Variants in ATP8A2 observed in about 807,000 individuals in gnomAD.
ATP8A2 encodes ATPase phospholipid transporting 8A2, also known as phospholipid-transporting ATPase IB.
In ATP8A2, 100 loss-of-function variants were observed where a neutral mutation model predicts 165.6. That is an observed-to-expected ratio of 0.60 (90% CI 0.51 to 0.71). ATP8A2 has a LOEUF of 0.71. ATP8A2 is among the 30% of genes least tolerant of loss of function. The probability of loss-of-function intolerance (pLI) is 0.00; values close to 1 mark genes in which losing one functional copy is unlikely to be tolerated. For synonymous variants in ATP8A2, 543 were observed against 548.8 expected (o/e 0.99, Z 0.15); for missense variants, 1,227 against 1,479.5 (o/e 0.83, Z 2.80).
intron 27 of ATP8A2, among the ~76,000 whole-genome samples, chr13:25,799,790 G>C (rs779216168): frequency 6.6e-6 from 1 of 152,208 alleles, no homozygotes; most frequent in East Asian, 1.9e-4. Context: ...TGAAGCTGCC[G>C]TAAAGCAGGG....
intron 1 of ATP8A2, among the ~76,000 whole-genome samples, chr13:25,467,166 G>C (rs2035690877): frequency 1.3e-5 from 2 of 152,170 alleles, no homozygotes; most frequent in Admixed American, 1.3e-4. Context: ...TGGAGGGAAG[G>C]AGATGAGGGA....
intron 1 of ATP8A2, among the ~76,000 whole-genome samples, chr13:25,374,764 A>G (rs1249640442): frequency 6.6e-6 from 1 of 152,152 alleles, no homozygotes; most frequent in Non-Finnish European, 1.5e-5. Flanking sequence ...GAGGATCTGC[A>G]TAGTGTGGGC....
intron 25 of ATP8A2, among the ~76,000 whole-genome samples, chr13:25,722,754 A>G (rs1230612268): frequency 6.6e-6 from 1 of 152,200 alleles, no homozygotes; most frequent in East Asian, 1.9e-4. Flanking sequence ...TTCCCTGGCT[A>G]AGACACTCAG....
chr13:25,518,896 G>A (rs2037567344), intron 2 of ATP8A2, among the ~76,000 whole-genome samples: 1 of 152,182 alleles, frequency 6.6e-6, no homozygotes, highest in Non-Finnish European at 1.5e-5. Context: ...TCAGAGGAGG[G>A]TTTGCAGATA....
At chr13:25,609,873 A>C (rs935269056) in intron 24 of ATP8A2, among the ~76,000 whole-genome samples, 2 of 150,738 alleles carry the variant, frequency 1.3e-5, no homozygotes, top group Non-Finnish European at 3.0e-5. Flanking sequence ...ATCATTAGTG[A>C]TGTTGAGCAT....
chr13:25,540,244 T>C (rs2038427984), intron 7 of ATP8A2, 75 bp from the exon 8 acceptor site: 1 of 1,095,488 alleles, frequency 9.1e-7, no homozygotes. Context: ...ACAGATTCCA[T>C]AATAGAGATT....
At chr13:25,787,789 T>TGGGAACCA (rs1181832493) in intron 27 of ATP8A2, among the ~76,000 whole-genome samples, 1 of 152,216 alleles carries the variant, frequency 6.6e-6, no homozygotes, top group Non-Finnish European at 1.5e-5. Context: ...CTTTGGGGTC[T>TGGGAACCA]GGGAACCAGG....
intron 33 of ATP8A2, among the ~76,000 whole-genome samples, chr13:25,907,192 C>G (rs1953965675): frequency 6.6e-6 from 1 of 151,992 alleles, no homozygotes; most frequent in Admixed American, 6.6e-5. Context: ...ACTGTGCTAC[C>G]CGTGTGGAGA....
intron 10 of ATP8A2, among the ~76,000 whole-genome samples, chr13:25,550,995 T>G (rs1454676204): frequency 6.6e-6 from 1 of 152,236 alleles, no homozygotes; most frequent in Non-Finnish European, 1.5e-5. Flanking sequence ...GAATTACCAG[T>G]GTTCTGATTT....
chr13:25,556,960 C>T (rs575604031), intron 13 of ATP8A2, among the ~76,000 whole-genome samples: 28 of 152,140 alleles, frequency 1.8e-4, no homozygotes, highest in Non-Finnish European at 4.1e-4. Flanking sequence ...TAGAAAAACT[C>T]CCTTATGGAG....
chr13:25,533,458 T>TG (rs1555291920), intron 6 of ATP8A2, 145 bp downstream of exon 6: 1 of 506,700 alleles, frequency 2.0e-6, no homozygotes. Context: ...TGTTTACTCC[T>TG]TCCCTTGCAC....
chr13:25,528,860 G>A (rs1033460007), intron 2 of ATP8A2, among the ~76,000 whole-genome samples: 5 of 144,338 alleles, frequency 3.5e-5, no homozygotes, highest in Admixed American at 2.1e-4. Context: ...TATGCAACAT[G>A]TGTATGCATA....
At chr13:26,007,155 T>C (rs1336704335) in intron 35 of ATP8A2, among the ~76,000 whole-genome samples, 3 of 152,154 alleles carry the variant, frequency 2.0e-5, no homozygotes, top group Non-Finnish European at 4.4e-5. Flanking sequence ...AAACCATATA[T>C]AGATGATATA....
At chr13:25,575,584 C>T (rs896302425) in intron 19 of ATP8A2, among the ~76,000 whole-genome samples, 1 of 152,086 alleles carries the variant, frequency 6.6e-6, no homozygotes, top group African/African-American at 2.4e-5. Context: ...TGTTATAAAG[C>T]TCTGTCTGCT....
At chr13:25,499,912 G>A (rs1308292098) in intron 2 of ATP8A2, among the ~76,000 whole-genome samples, 4 of 152,088 alleles carry the variant, frequency 2.6e-5, no homozygotes, top group Admixed American at 1.3e-4. Context: ...TGTGAGAAAC[G>A]GGAGGTAGAG....
intron 33 of ATP8A2, among the ~76,000 whole-genome samples, chr13:25,898,577 G>A (rs1458288751): frequency 6.6e-6 from 1 of 152,226 alleles, no homozygotes; most frequent in African/African-American, 2.4e-5. Context: ...ATTTAAGTCT[G>A]CAGAGGTTAT....
intron 1 of ATP8A2, among the ~76,000 whole-genome samples, chr13:25,401,662 G>A (rs949606235): frequency 2.0e-5 from 3 of 152,110 alleles, no homozygotes; most frequent in African/African-American, 7.2e-5. Context: ...TATTCATGGG[G>A]TGCACATTCC....
chr13:25,631,422 T>C (rs2137515207), intron 24 of ATP8A2, among the ~76,000 whole-genome samples: 2 of 152,342 alleles, frequency 1.3e-5, no homozygotes, highest in South Asian at 4.1e-4. Flanking sequence ...TGATTTATAG[T>C]AAATTTAATG....
At chr13:25,456,853 T>C (rs897280417) in intron 1 of ATP8A2, among the ~76,000 whole-genome samples, 1 of 152,182 alleles carries the variant, frequency 6.6e-6, no homozygotes, top group Non-Finnish European at 1.5e-5. Context: ...TACTGAATTC[T>C]TATACATGTT....
Sources: allele counts gnomAD v4.1 joint callset (sites outside exome capture counted in the v4.1 genomes callset), GRCh38; gene constraint gnomAD v4.1.1; transcripts MANE v1.5; gene names NCBI Gene and HGNC (gene_info 2026-07-23, HGNC 2026-07-21).